SZT2: variants seen among roughly 807,000 people sequenced by gnomAD.
SZT2 encodes KICSTOR complex protein SZT2.
A neutral mutation model predicts 404.2 loss-of-function variants in SZT2; 216 were observed. That is an observed-to-expected ratio of 0.53 (90% CI 0.48 to 0.60). The LOEUF is 0.60. SZT2 is among the 20% of genes least tolerant of loss of function. The pLI, the probability that SZT2 is intolerant of heterozygous loss-of-function variation, is 0.00. For synonymous variants in SZT2, 1,693 were observed against 1,749.9 expected (o/e 0.97, Z 0.81); for missense variants, 3,857 against 4,459.2 (o/e 0.86, Z 3.85).
chr1:43,447,526 C>A lies in SZT2; in HGVS notation c.9287-19C>A, dbSNP rs554441575. ...GTCCTAGGCTTAGTGTCTGCTGTCT[C>A]CTGTTACTTATCCCTCAGGGACATT... On this transcript the variant is annotated intron_variant, in intron 66 of 71. Transcript: ENST00000634258. 8.1e-6 allele frequency: 13 copies of A among 1,612,134 alleles called. No homozygotes were observed. Among genetic ancestry groups the A allele is most frequent in the African/African-American group, 2.7e-5 (2 of 74,904 alleles).
At chr1:43,432,024 C>A in intron 36 of SZT2, 123 bp downstream of exon 36, 1 of 1,272,716 alleles carries the variant, frequency 7.9e-7, no homozygotes, top group Non-Finnish European at 1.1e-6. Flanking sequence ...TGTCTCCCTG[C>A]TCACCACATC....
Position 43,447,169 on chromosome 1 carries a change from G to A in SZT2, c.9286+1G>A, listed in dbSNP as rs1655775567. 2 of 1,609,766 alleles carry A rather than the reference G, an allele frequency of 1.2e-6. No individual in the cohort carries two copies. The highest frequency in any genetic ancestry group is 3.4e-5 in the Admixed American group (2 of 59,638). On this transcript the variant is annotated splice_donor_variant, in intron 66 of 71. Transcript: ENST00000634258. LOFTEE classifies it high-confidence loss of function. ...TTTGGCCGCAATCACATTTACCAAG[G>A]TCAGTGCCCAAGGGCAAGCCAGTGA... is the stretch of plus-strand genomic sequence containing the variant.
In SZT2 at chr1:43,445,888, C is replaced by T. The variant is rs1201233543; in HGVS notation, c.8826-6C>T. On this transcript the variant is annotated splice_region_variant and splice_polypyrimidine_tract_variant and intron_variant, in intron 62 of 71. Transcript: ENST00000634258. Reference sequence around the variant, plus strand: ...TCATCCTCTTATCCCTCCTCCTTTTCTATAGCACCAGCCGGCCACGGGCCA... The same window carrying T: ...TCATCCTCTTATCCCTCCTCCTTTTTTATAGCACCAGCCGGCCACGGGCCA... The T allele has an allele frequency of 6.2e-7, 1 of 1,614,174 alleles. No individual in the cohort carries two copies. The highest frequency in any genetic ancestry group is 8.5e-7 in the Non-Finnish European group (1 of 1,179,996).
At position 43,420,150 on chromosome 1, in the gene SZT2, C is replaced by T. The variant is rs1318809600; in HGVS notation, c.1091-3C>T. On this transcript the variant is annotated splice_polypyrimidine_tract_variant and splice_region_variant and intron_variant, in intron 8 of 71. Coordinates refer to ENST00000634258, the MANE Select transcript of SZT2 (RefSeq NM_001365999.1). This position sits in a 1 kb window ranked among gnomAD's most constrained non-coding sequence, Gnocchi z 5.1. ...TCCTTCCCCATCTCCACTGGTCTTC[C>T]AGGCTCTCAGCACCGCCTATTTAAT... 3 of 1,598,218 alleles carry T rather than the reference C, an allele frequency of 1.9e-6. No individual in the cohort carries two copies. The South Asian group carries it at 3.3e-5, about 18-fold the overall frequency.
Position 43,441,461 on chromosome 1 carries a change from G to C in SZT2, c.7512-43G>C, listed in dbSNP as rs775665985. The C allele has an allele frequency of 4.3e-6, 7 of 1,610,434 alleles. No homozygotes were observed. The highest frequency in any genetic ancestry group is 3.3e-5 in the Admixed American group (2 of 59,792). On this transcript the variant is annotated intron_variant, in intron 53 of 71. Transcript: ENST00000634258. The surrounding 1 kb of genome is among the most constrained non-coding windows in gnomAD (Gnocchi z 4.8). Reference sequence around the variant, plus strand: ...GGCCTTGGTCTGTATAAACATACAAGTGTCATGTATGGACATGAGGCTCTT... The same window carrying C: ...GGCCTTGGTCTGTATAAACATACAACTGTCATGTATGGACATGAGGCTCTT...
chr1:43,443,507 C>G, intron 61 of SZT2, 30 bp downstream of exon 61: 7 of 1,613,850 alleles, frequency 4.3e-6, no homozygotes, highest in Non-Finnish European at 5.9e-6. Context: ...TTCTAGCAGA[C>G]CTTTGCTTAC....
chr1:43,428,232 T>G lies in SZT2; in HGVS notation c.3920-8T>G. ...CTCAAGCCTCATGGCCCCTTCCACT[T>G]CCATCAGGGCTATTCCGCAGCTTGC... On this transcript the variant is annotated splice_polypyrimidine_tract_variant and splice_region_variant and intron_variant, in intron 27 of 71. Transcript: ENST00000634258. 1 of 1,614,096 alleles carries G rather than the reference T, an allele frequency of 6.2e-7. No homozygotes were observed. The highest frequency in any genetic ancestry group is 8.5e-7 in the Non-Finnish European group (1 of 1,179,970).
chr1:43,413,637 TC>T (rs1241491981), intron 4 of SZT2, among the ~76,000 whole-genome samples: 1 of 152,204 alleles, frequency 6.6e-6, no homozygotes, highest in East Asian at 1.9e-4. Context: ...AAGAATGAGA[TC>T]CTGTCATTTG....
chr1:43,419,069 T>C (rs989231976), intron 7 of SZT2, among the ~76,000 whole-genome samples: 17 of 152,226 alleles, frequency 1.1e-4, no homozygotes, highest in African/African-American at 3.4e-4. Flanking sequence ...GCAAACACTT[T>C]CTGCAAAGGC....
At chr1:43,393,615 C>G (rs1445623972) in intron 1 of SZT2, among the ~76,000 whole-genome samples, 2 of 152,092 alleles carry the variant, frequency 1.3e-5, no homozygotes, top group African/African-American at 2.4e-5. Flanking sequence ...GGGAAATAAT[C>G]CACATTATTT....
intron 62 of SZT2, chr1:43,445,457 C>A (rs946753579): frequency 1.1e-4 from 29 of 261,442 alleles, no homozygotes; most frequent in African/African-American, 6.2e-4. Flanking sequence ...TAAACTGTAA[C>A]GAGCAGTAGG....
rs1008101415 is a variant in SZT2, at chr1:43,425,829, C to T, written c.2815-6C>T. 58 of 1,613,374 alleles carry T rather than the reference C, an allele frequency of 3.6e-5. No individual in the cohort carries two copies. Among genetic ancestry groups the T allele is most frequent in the Non-Finnish European group, 4.9e-5 (58 of 1,179,556 alleles). ...TGACTCCTGACCTCTGATGTTCTTC[C>T]TGTAGCTCCACCCACGGGATGCTGC... On this transcript the variant is annotated splice_polypyrimidine_tract_variant and splice_region_variant and intron_variant, in intron 19 of 71. Coordinates refer to ENST00000634258, the MANE Select transcript of SZT2 (RefSeq NM_001365999.1). This position sits in a 1 kb window ranked among gnomAD's most constrained non-coding sequence, Gnocchi z 4.3.
At chr1:43,390,045 G>A (rs1293585973) in intron 1 of SZT2, 50 bp downstream of exon 1, 3 of 1,373,152 alleles carry the variant, frequency 2.2e-6, no homozygotes. Context: ...GAGGGGGAGG[G>A]TCCGGCGGGC....
chr1:43,422,983 C>T (rs72883806), intron 14 of SZT2, 100 bp downstream of exon 14: 2 of 1,482,914 alleles, frequency 1.3e-6, no homozygotes, highest in Admixed American at 2.0e-5. Flanking sequence ...GAGGGAGGAG[C>T]CCCCAGACCA....
intron 1 of SZT2, 24 bp downstream of exon 1, chr1:43,390,019 C>G (rs761373617): frequency 5.1e-5 from 70 of 1,381,754 alleles, no homozygotes; most frequent in Middle Eastern, 2.3e-4. Context: ...GGGCGCAGCA[C>G]TGGGCCCCGA....
At position 43,425,966 on chromosome 1, in the gene SZT2, G is replaced by A. The variant is rs771620314; in HGVS notation, c.2929+17G>A. ...TCTCTGATGGTGAGTGGGGCAGGCG[G>A]CCCACTGGTGGAGCAGGGGAGTGGG... On this transcript the variant is annotated intron_variant, in intron 20 of 71. Transcript: ENST00000634258. The surrounding 1 kb of genome is among the most constrained non-coding windows in gnomAD (Gnocchi z 4.3). 6.2e-7 allele frequency: 1 copy of A among 1,610,008 alleles called. No individual in the cohort carries two copies.
In SZT2 at chr1:43,443,649, G is replaced by A. The variant is rs1655337972; in HGVS notation, c.8678G>A (p.Cys2893Tyr). The A allele has an allele frequency of 1.9e-6, 3 of 1,614,110 alleles. No homozygotes were observed. Among genetic ancestry groups the A allele is most frequent in the Admixed American group, 3.3e-5 (2 of 60,010 alleles). Residue 2893 changes from cysteine to tyrosine, a missense_variant, in exon 62 of 72, where the codon TGT becomes TAT. By Grantham distance (194) the Cys-to-Tyr change is radical (BLOSUM62 -2). Coordinates refer to ENST00000634258, the MANE Select transcript of SZT2 (RefSeq NM_001365999.1). ...GGGAGCCGAGAGGCCCCCACAAGCTGTGAATCCTTGGATGTGTCGCCCCCG... is the reference window on the plus strand; with the variant it reads ...GGGAGCCGAGAGGCCCCCACAAGCTATGAATCCTTGGATGTGTCGCCCCCG... Reference protein sequence around the residue: ...GSGSREAPTSCESLDVSPPGA... With the variant: ...GSGSREAPTSYESLDVSPPGA...
chr1:43,430,717 C>T lies in SZT2; in HGVS notation c.4702C>T (p.His1568Tyr). 1 of 1,613,652 alleles carries T rather than the reference C, an allele frequency of 6.2e-7. No individual in the cohort carries two copies. The change falls in exon 32 of 72, where the codon CAC (histidine) becomes TAC (tyrosine). Residue 1568 changes from histidine to tyrosine, a missense_variant. This residue lies in a region of SZT2 where 1,725 missense variants were observed against 1,881.0 expected (regional missense o/e 0.92). Transcript: ENST00000634258. ...TCATGACCTGCCACCGCTCTTCCTG[C>T]ACCTCACGTGCTCCGTGCGGCTACG... Reference protein sequence around the residue: ...FLHDLPPLFLHLTCSVRLRGQ... With the variant: ...FLHDLPPLFLYLTCSVRLRGQ...
In SZT2 at chr1:43,441,197, C is replaced by T; in HGVS notation, c.7345-17C>T. On this transcript the variant is annotated splice_polypyrimidine_tract_variant and intron_variant, in intron 52 of 71. Transcript: ENST00000634258. The surrounding 1 kb of genome is among the most constrained non-coding windows in gnomAD (Gnocchi z 4.8). ...CTCTTCCCAGTAGCCCTTCCTCATT[C>T]ACTGCATTGCCCCCAGAGTAAAACA... 1.9e-6 allele frequency: 3 copies of T among 1,611,048 alleles called. No homozygotes were observed. Among genetic ancestry groups the T allele is most frequent in the Non-Finnish European group, 2.5e-6 (3 of 1,177,726 alleles).
Sources: gnomAD v4.1 joint callset for allele counts (sites outside exome capture counted in the v4.1 genomes callset) on GRCh38, gnomAD v4.1.1 for gene constraint, gnomAD v4.1.1 regional missense constraint, Gnocchi (gnomAD v3.1) non-coding constraint, MANE v1.5 for transcripts, NCBI Gene and HGNC (gene_info 2026-07-23, HGNC 2026-07-21) for gene names.